OPHN1: variants seen among roughly 807,000 people sequenced by gnomAD.
The protein encoded by OPHN1 is oligophrenin 1, also known as oligophrenin-1.
OPHN1 carries 11 observed loss-of-function variants against 60.7 expected under a neutral mutation model. The ratio of observed to expected loss-of-function variants is 0.18; its 90% CI spans 0.11 to 0.30. The LOEUF (loss-of-function observed/expected upper bound fraction) is 0.30. OPHN1 is among the 10% of genes least tolerant of loss of function. The pLI, the probability that OPHN1 is intolerant of heterozygous loss-of-function variation, is 1.00. For synonymous variants in OPHN1, 226 were observed against 222.6 expected (o/e 1.02, Z -0.14); for missense variants, 449 against 611.0 (o/e 0.73, Z 2.80).
intron 3 of OPHN1, among the ~76,000 whole-genome samples, chrX:68,296,316 G>T (rs1422021703): frequency 1.8e-5 from 2 of 111,679 alleles, no homozygotes; most frequent in Non-Finnish European, 3.8e-5. Context: ...TCTGAAATTG[G>T]CAGGCAAATG....
intron 15 of OPHN1, among the ~76,000 whole-genome samples, chrX:68,130,798 T>C (rs2077191071): frequency 8.9e-6 from 1 of 111,923 alleles, no homozygotes; most frequent in African/African-American, 3.2e-5. Flanking sequence ...ATCACTCATA[T>C]TCCCTCTTCA....
chrX:68,140,064 A>G (rs142503025), intron 15 of OPHN1, among the ~76,000 whole-genome samples: 2,267 of 112,179 alleles, frequency 0.02, 19 homozygotes, highest in Non-Finnish European at 0.029. Context: ...ATTCATTGAA[A>G]AGTTTGACAA....
rs948804776 is a variant in OPHN1 at position 68,043,863 on chromosome X, T to C, written c.*3309A>G. On this transcript the variant is annotated 3_prime_UTR_variant, in exon 25 of 25. Transcript: ENST00000355520. The stretch of plus-strand genomic sequence containing the variant: ...GCAGAGGCACCAAGACCTTTTCTGC[T>C]TCTAAAACTGCATTTGTGGATGTCA... 5 of 112,155 alleles carry C rather than the reference T, an allele frequency of 4.5e-5. No individual in the cohort carries two copies. The highest frequency in any genetic ancestry group is 1.6e-4 in the African/African-American group (5 of 30,884). 9.2% of individuals were successfully genotyped at this position (112,155 alleles called of 1,213,427 possible).
chrX:68,408,416 G>A (rs747246592), intron 2 of OPHN1, among the ~76,000 whole-genome samples: 3 of 111,626 alleles, frequency 2.7e-5, no homozygotes, highest in African/African-American at 3.3e-5. Flanking sequence ...CTAAGGGGTA[G>A]AAACCACATC....
chrX:68,415,559 T>C (rs2078789711), intron 2 of OPHN1, among the ~76,000 whole-genome samples: 1 of 111,801 alleles, frequency 8.9e-6, no homozygotes, highest in Non-Finnish European at 1.9e-5. Flanking sequence ...GGAACTGCTG[T>C]CTGGCCCCTT....
chrX:68,092,397 A>G (rs2077022096), intron 19 of OPHN1, among the ~76,000 whole-genome samples: 1 of 112,090 alleles, frequency 8.9e-6, no homozygotes, highest in African/African-American at 3.2e-5. Context: ...CTATTTTTCA[A>G]AAAAGGTAAC....
chrX:68,070,748 T>C (rs1205887903), intron 20 of OPHN1: 1 of 1,129,759 alleles, frequency 8.9e-7, no homozygotes, highest in South Asian at 1.8e-5. Context: ...CCCATTCAAA[T>C]ACCCCCCACA....
intron 15 of OPHN1, among the ~76,000 whole-genome samples, chrX:68,133,957 C>A (rs925034538): frequency 1.8e-5 from 2 of 110,593 alleles, no homozygotes; most frequent in Non-Finnish European, 3.8e-5. Context: ...CTTGGATCAC[C>A]TGAGGTCAGA....
At chrX:68,194,677 T>C (rs1203063909) in intron 12 of OPHN1, among the ~76,000 whole-genome samples, 179 bp from the exon 13 acceptor site, 1 of 111,215 alleles carries the variant, frequency 9.0e-6, no homozygotes, top group Non-Finnish European at 1.9e-5. Flanking sequence ...TGCTAGAAAA[T>C]ACTTGAACAG....
intron 19 of OPHN1, among the ~76,000 whole-genome samples, chrX:68,092,918 T>C (rs1323542748): frequency 3.6e-5 from 4 of 111,369 alleles, no homozygotes; most frequent in Non-Finnish European, 7.6e-5. Flanking sequence ...AATTAGGACA[T>C]TTAAGATGCA....
At chrX:68,273,890 GT>G (rs1398964602) in intron 5 of OPHN1, among the ~76,000 whole-genome samples, 1 of 112,006 alleles carries the variant, frequency 8.9e-6, no homozygotes, top group African/African-American at 3.3e-5. Flanking sequence ...TGTACAGGAA[GT>G]ACAGCAGCTT....
Position 68,400,588 on chromosome X carries a change from TTTTTTTCTTTTTTC to T in OPHN1, c.154+32265_154+32278del, listed in dbSNP as rs767421335. ...AAGCAGGCACGTCTTTCTTCTCTCT[TTTTTTTCTTTTTTC>T]TTTTTTCTTTTTTTTTTGAGATGGA... On this transcript the variant is annotated intron_variant, in intron 2 of 24. Transcript: ENST00000355520. Among the ~76,000 whole-genome samples, 26 of 108,621 alleles carry T rather than the reference TTTTTTTCTTTTTTC, an allele frequency of 2.4e-4. 1 individual carries two copies. In the South Asian group the frequency reaches 4.1e-3, roughly 17 times the overall value. 94.3% of individuals were successfully genotyped at this position (108,621 alleles called of 115,157 possible). A position where few individuals can be genotyped will look rare whatever the true frequency, so the allele number is the denominator to read the frequency against.
intron 15 of OPHN1, among the ~76,000 whole-genome samples, chrX:68,171,279 T>TA (rs895208102): frequency 3.4e-4 from 37 of 109,496 alleles, no homozygotes; most frequent in African/African-American, 1.1e-3. Context: ...TTAATAATTT[T>TA]AAAAAAAATT....
At chrX:68,285,327 T>A (rs894306077) in intron 3 of OPHN1, among the ~76,000 whole-genome samples, 9 of 112,044 alleles carry the variant, frequency 8.0e-5, no homozygotes, top group African/African-American at 2.9e-4. Flanking sequence ...TGATTTGATA[T>A]CTTTGTTCTT....
intron 5 of OPHN1, among the ~76,000 whole-genome samples, chrX:68,241,875 C>T (rs1297800940): frequency 1.8e-5 from 2 of 110,934 alleles, no homozygotes; most frequent in African/African-American, 6.6e-5. Flanking sequence ...GAGCCGAGAT[C>T]GCGTCATTGC....
At chrX:68,206,807 C>T (rs181345058) in intron 9 of OPHN1, 134 bp from the exon 10 acceptor site, 5 of 513,085 alleles carry the variant, frequency 9.7e-6, no homozygotes, top group African/African-American at 4.6e-5. Flanking sequence ...TTGCCCTGAC[C>T]GCCCTCCTTC....
At chrX:68,376,919 T>A (rs1200418232) in intron 2 of OPHN1, among the ~76,000 whole-genome samples, 1 of 100,008 alleles carries the variant, frequency 1.0e-5, no homozygotes, top group Admixed American at 1.1e-4. Context: ...ATTCACATTA[T>A]CTCAAGTAAT....
At chrX:68,127,752 G>T (rs1166393228) in intron 15 of OPHN1, among the ~76,000 whole-genome samples, 1 of 111,782 alleles carries the variant, frequency 8.9e-6, no homozygotes, top group African/African-American at 3.3e-5. Flanking sequence ...AGAGTGTCTA[G>T]AACAATGATT....
intron 2 of OPHN1, among the ~76,000 whole-genome samples, chrX:68,317,562 A>G (rs1353473446): frequency 1.2e-5 from 1 of 85,872 alleles, no homozygotes; most frequent in Non-Finnish European, 2.2e-5. Context: ...AAAGAAAGAA[A>G]GAAAGAAAGA....
Sources: gnomAD v4.1 joint callset for allele counts (sites outside exome capture counted in the v4.1 genomes callset) on GRCh38, gnomAD v4.1.1 for gene constraint, MANE v1.5 for transcripts, NCBI Gene and HGNC (gene_info 2026-07-23, HGNC 2026-07-21) for gene names.